The following TAOK3 variants were observed in gnomAD, a reference collection of about 807,000 sequenced individuals.
TAOK3 encodes serine/threonine-protein kinase TAO3.
TAOK3 carries 40 observed loss-of-function variants against 120.4 expected under a neutral mutation model. That is an observed-to-expected ratio of 0.33 (90% CI 0.26 to 0.43). The LOEUF (loss-of-function observed/expected upper bound fraction) is 0.43, where lower values mean the gene tolerates loss of function less well. Ranked by LOEUF, TAOK3 falls within the 20% of genes least tolerant of loss-of-function variation. TAOK3 has a pLI of 1.00. For synonymous variants in TAOK3, 355 were observed against 387.5 expected (o/e 0.92, Z 0.99); for missense variants, 821 against 1,112.1 (o/e 0.74, Z 3.72).
chr12:118,349,458 G>A (rs2045036552), intron 1 of TAOK3, among the ~76,000 whole-genome samples: 1 of 152,196 alleles, frequency 6.6e-6, no homozygotes, highest in South Asian at 2.1e-4. Context: ...ACGCTACAAT[G>A]TGGATGAATC....
chr12:118,313,944 T>TA (rs1231243929), intron 1 of TAOK3, among the ~76,000 whole-genome samples: 2 of 152,216 alleles, frequency 1.3e-5, no homozygotes, highest in African/African-American at 4.8e-5. Context: ...GCCATGCCTC[T>TA]AATCCTGCCT....
chr12:118,184,961 C>T (rs2036986879), intron 14 of TAOK3, among the ~76,000 whole-genome samples: 1 of 152,222 alleles, frequency 6.6e-6, no homozygotes, highest in Non-Finnish European at 1.5e-5. Flanking sequence ...GGGTGTCTGA[C>T]TCCTAGGAAA....
intron 1 of TAOK3, among the ~76,000 whole-genome samples, chr12:118,361,662 T>C (rs2045603464): frequency 5.9e-5 from 9 of 152,158 alleles, no homozygotes; most frequent in Admixed American, 5.9e-4. Context: ...TTTCACCATG[T>C]TGGCCAGGCT....
intron 2 of TAOK3, among the ~76,000 whole-genome samples, chr12:118,265,534 T>C (rs1468069122): frequency 2.6e-5 from 4 of 151,354 alleles, no homozygotes; most frequent in Non-Finnish European, 5.9e-5. Flanking sequence ...ATATGAAACA[T>C]GTAACTTCAC....
intron 20 of TAOK3, among the ~76,000 whole-genome samples, 154 bp downstream of exon 20, chr12:118,152,073 A>G (rs1245916813): frequency 6.6e-6 from 1 of 152,168 alleles, no homozygotes; most frequent in Non-Finnish European, 1.5e-5. Flanking sequence ...GAAGGGGGAC[A>G]ATGCCTACCT....
At chr12:118,307,530 T>C (rs1303597150) in intron 1 of TAOK3, among the ~76,000 whole-genome samples, 1 of 152,182 alleles carries the variant, frequency 6.6e-6, no homozygotes, top group Non-Finnish European at 1.5e-5. Flanking sequence ...CAGAAACTGT[T>C]GCATTCAGTT....
intron 1 of TAOK3, among the ~76,000 whole-genome samples, chr12:118,304,884 A>T (rs1190543126): frequency 6.6e-6 from 1 of 152,208 alleles, no homozygotes; most frequent in South Asian, 2.1e-4. Context: ...ACAACACGAC[A>T]CCTGGAGTGA....
chr12:118,305,323 A>G (rs1238415788), intron 1 of TAOK3, among the ~76,000 whole-genome samples: 1 of 152,104 alleles, frequency 6.6e-6, no homozygotes, highest in African/African-American at 2.4e-5. Context: ...TCTACTAAAA[A>G]TACAAAAATT....
At chr12:118,295,549 A>T (rs912376229) in intron 1 of TAOK3, among the ~76,000 whole-genome samples, 1 of 152,216 alleles carries the variant, frequency 6.6e-6, no homozygotes, top group Non-Finnish European at 1.5e-5. Context: ...TGTAATAGTT[A>T]AAAATGTACA....
chr12:118,230,001 TATTA>T (rs2039692011), intron 9 of TAOK3, among the ~76,000 whole-genome samples: 2 of 152,184 alleles, frequency 1.3e-5, no homozygotes, highest in South Asian at 4.1e-4. Flanking sequence ...ATATAATAGA[TATTA>T]ATTAATCTTC....
rs145914134 is a variant in TAOK3, at chr12:118,268,665, C to T, written c.-193-1906G>A. ...GTAGTCTGACTATAGCTCCAATAAA[C>T]TAAAATATTCCTTATGACATCATAT... is the stretch of plus-strand genomic sequence containing the variant. On this transcript the variant is annotated intron_variant, in intron 1 of 20. Coordinates refer to ENST00000392533, the MANE Select transcript of TAOK3 (RefSeq NM_016281.4). Among the ~76,000 whole-genome samples the T allele has an allele frequency of 6.8e-3, 1,031 of 152,246 alleles. 15 individuals carry two copies. Among genetic ancestry groups the T allele is most frequent in the African/African-American group, 0.023 (964 of 41,554 alleles).
At chr12:118,338,557 G>A (rs1327452130) in intron 1 of TAOK3, among the ~76,000 whole-genome samples, 1 of 151,930 alleles carries the variant, frequency 6.6e-6, no homozygotes, top group Non-Finnish European at 1.5e-5. Flanking sequence ...GGAGGCCGAG[G>A]TGGGCGGATC....
intron 15 of TAOK3, among the ~76,000 whole-genome samples, chr12:118,178,873 C>A (rs1675759300): frequency 6.6e-6 from 1 of 152,164 alleles, no homozygotes; most frequent in Non-Finnish European, 1.5e-5. Context: ...CTGAAAGTGA[C>A]CAAATCTGTT....
At chr12:118,294,803 G>A (rs1040475696) in intron 1 of TAOK3, among the ~76,000 whole-genome samples, 2 of 152,088 alleles carry the variant, frequency 1.3e-5, no homozygotes, top group East Asian at 3.9e-4. Context: ...ATTTGTGGAC[G>A]GACTAGATTT....
In TAOK3 at chr12:118,214,065, A is replaced by G; in HGVS notation, c.689T>C (p.Leu230Ser). ...GGAGTCATTCTGGGCAATGTGATAT[A>G]AGGCACTCATTGCATTCATGTTGAA... is the stretch of plus-strand genomic sequence containing the variant. ...PLFNMNAMSA[L>S]YHIAQNDSPT... Residue 230 changes from leucine (L) to serine (S), a missense_variant, in exon 10 of 21, where the codon TTA becomes TCA. Around this residue, in one of 2 missense-constraint regions of TAOK3, gnomAD observed 467 missense variants for 540.0 expected, o/e 0.86. Coordinates refer to ENST00000392533, the MANE Select transcript of TAOK3 (RefSeq NM_016281.4). The G allele has an allele frequency of 6.2e-7, 1 of 1,610,690 alleles. No individual in the cohort carries two copies. The highest frequency in any genetic ancestry group is 1.1e-5 in the South Asian group (1 of 90,464).
chr12:118,325,959 C>T (rs1158234315), intron 1 of TAOK3, among the ~76,000 whole-genome samples: 1 of 152,132 alleles, frequency 6.6e-6, no homozygotes, highest in Non-Finnish European at 1.5e-5. Flanking sequence ...GCACAACAAG[C>T]GTGAGCCACA....
chr12:118,232,110 A>G (rs1250630708), intron 9 of TAOK3, among the ~76,000 whole-genome samples: 1 of 152,202 alleles, frequency 6.6e-6, no homozygotes, highest in Non-Finnish European at 1.5e-5. Flanking sequence ...AGTGAATAGC[A>G]TTGGCTATAG....
intron 11 of TAOK3, among the ~76,000 whole-genome samples, chr12:118,209,738 G>C (rs888769892): frequency 6.7e-6 from 1 of 148,256 alleles, no homozygotes; most frequent in Non-Finnish European, 1.5e-5. Flanking sequence ...TTTGAGACAG[G>C]GTTTTACTCC....
chr12:118,182,617 ATATATAT>A (rs1219355175), intron 14 of TAOK3, among the ~76,000 whole-genome samples: 41 of 89,758 alleles, frequency 4.6e-4, no homozygotes, highest in Admixed American at 7.0e-4. Context: ...ATATATATAT[ATATATAT>A]TTTTTTTTTT....
Sources: allele counts gnomAD v4.1 joint callset (sites outside exome capture counted in the v4.1 genomes callset), GRCh38; gene constraint gnomAD v4.1.1; regional missense constraint gnomAD v4.1.1; transcripts MANE v1.5; gene names NCBI Gene and HGNC (gene_info 2026-07-23, HGNC 2026-07-21).